Variants in PTPRE observed in about 807,000 individuals in gnomAD.
PTPRE encodes the protein receptor-type tyrosine-protein phosphatase epsilon.
PTPRE carries 51 observed loss-of-function variants against 102.0 expected under a neutral mutation model. The observed-to-expected ratio is 0.50, with a 90% CI of 0.40 to 0.63. The LOEUF (loss-of-function observed/expected upper bound fraction) is 0.63, where lower values mean the gene tolerates loss of function less well. Ranked by LOEUF, PTPRE falls within the 30% of genes least tolerant of loss-of-function variation. The pLI, the probability that PTPRE is intolerant of heterozygous loss-of-function variation, is 0.00. For missense variants in PTPRE, 752 were observed against 915.1 expected, an observed-to-expected ratio of 0.82 and a Z score of 2.30; for synonymous variants, 345 against 348.2, an observed-to-expected ratio of 0.99 and a Z score of 0.10.
At chr10:128,010,553 TTTC>T (rs1476547036) in intron 2 of PTPRE, among the ~76,000 whole-genome samples, 20 of 136,762 alleles carry the variant, frequency 1.5e-4, no homozygotes, top group Non-Finnish European at 2.4e-4. Flanking sequence ...TTCCTTTTCT[TTTC>T]TTTTCTTTTC....
chr10:127,971,184 G>A (rs188499219), intron 1 of PTPRE, among the ~76,000 whole-genome samples: 2 of 152,260 alleles, frequency 1.3e-5, no homozygotes, highest in South Asian at 2.1e-4. Flanking sequence ...GTGTCCATAC[G>A]AGGCTAATGT....
chr10:127,988,328 CTG>C (rs1852292668), intron 2 of PTPRE, among the ~76,000 whole-genome samples: 1 of 118,012 alleles, frequency 8.5e-6, no homozygotes, highest in Non-Finnish European at 1.7e-5. Flanking sequence ...TTTTTTGAGA[CTG>C]AATCTTGCTC....
At chr10:127,940,842 G>T (rs149703465) in intron 1 of PTPRE, among the ~76,000 whole-genome samples, 1 of 152,304 alleles carries the variant, frequency 6.6e-6, no homozygotes, top group African/African-American at 2.4e-5. Context: ...GTCCCAAGGT[G>T]CTGTGACCCA....
chr10:127,920,470 G>T (rs974552119), intron 1 of PTPRE, among the ~76,000 whole-genome samples: 4 of 152,176 alleles, frequency 2.6e-5, no homozygotes, highest in African/African-American at 9.7e-5. Context: ...GCTCCTAGGT[G>T]GGGGAGTCCC....
intron 2 of PTPRE, among the ~76,000 whole-genome samples, chr10:128,005,638 C>T (rs998295904): frequency 4.6e-5 from 7 of 152,310 alleles, no homozygotes; most frequent in Admixed American, 1.3e-4. Context: ...CACCTCTGGG[C>T]GTCCCCGAGC....
In PTPRE at chr10:128,040,943, G is replaced by C. The variant is rs1387069917; in HGVS notation, c.62G>C (p.Arg21Thr). 2.5e-6 allele frequency: 4 copies of C among 1,613,944 alleles called. No homozygotes were observed. Among genetic ancestry groups the C allele is most frequent in the Non-Finnish European group, 3.4e-6 (4 of 1,180,022 alleles). Reference protein sequence around the residue: ...GFSLPLARALRGNETTADSNE... With the variant: ...GFSLPLARALTGNETTADSNE... The stretch of plus-strand genomic sequence containing the variant: ...AGCTTGCCGCTCGCCAGGGCTCTCA[G>C]GGGCAACGAGACCACTGCCGACAGC... The change falls in exon 3 of 21, where the codon AGG (arginine) becomes ACG (threonine). Residue 21 changes from arginine to threonine, a missense_variant. Around this residue, in one of 2 missense-constraint regions of PTPRE, gnomAD observed 116 missense variants for 90.8 expected, o/e 1.28. Transcript: ENST00000254667.
chr10:127,935,402 C>T (rs1017713437), intron 1 of PTPRE, among the ~76,000 whole-genome samples: 20 of 152,288 alleles, frequency 1.3e-4, no homozygotes, highest in African/African-American at 4.8e-4. Context: ...GCTTGAATCC[C>T]ATTACCAGGG....
At chr10:128,067,142 T>C (rs763686623) in intron 11 of PTPRE, among the ~76,000 whole-genome samples, 9 of 65,112 alleles carry the variant, frequency 1.4e-4, no homozygotes, top group Non-Finnish European at 2.8e-4. Flanking sequence ...CACACACACA[T>C]GTGCACACAC....
intron 6 of PTPRE, among the ~76,000 whole-genome samples, chr10:128,053,720 A>G (rs1848726952): frequency 6.6e-6 from 1 of 152,058 alleles, no homozygotes; most frequent in South Asian, 2.1e-4. Context: ...TCGCCATCCA[A>G]TCCCTCCAGG....
At chr10:128,076,512 C>A in intron 17 of PTPRE, 91 bp from the exon 18 acceptor site, 13 of 1,238,454 alleles carry the variant, frequency 1.0e-5, no homozygotes, top group African/African-American at 1.6e-5. Context: ...AATACATTAA[C>A]TGGTTTGAGA....
chr10:128,032,058 C>T (rs956552108), intron 2 of PTPRE, among the ~76,000 whole-genome samples: 3 of 152,154 alleles, frequency 2.0e-5, no homozygotes, highest in African/African-American at 4.8e-5. Context: ...TTCCATCACC[C>T]AGGCTGGAGT....
At chr10:127,935,639 C>A (rs145012804) in intron 1 of PTPRE, among the ~76,000 whole-genome samples, 1 of 152,110 alleles carries the variant, frequency 6.6e-6, no homozygotes, top group African/African-American at 2.4e-5. Context: ...ACCTCTTCTG[C>A]GGAGTACCCT....
At chr10:127,937,774 G>A (rs1220056793) in intron 1 of PTPRE, among the ~76,000 whole-genome samples, 24 of 152,172 alleles carry the variant, frequency 1.6e-4, no homozygotes, top group Admixed American at 1.4e-3. Flanking sequence ...TGGAAGGATC[G>A]CTTGAACCCA....
intron 1 of PTPRE, among the ~76,000 whole-genome samples, chr10:127,920,402 A>C (rs141059553): frequency 1.3e-5 from 2 of 152,076 alleles, no homozygotes; most frequent in Non-Finnish European, 2.9e-5. Flanking sequence ...CAGTTCCCAG[A>C]TTGCTGGTGG....
chr10:127,911,627 G>A (rs911117851), intron 1 of PTPRE, among the ~76,000 whole-genome samples: 2 of 152,158 alleles, frequency 1.3e-5, no homozygotes, highest in Non-Finnish European at 1.5e-5. Context: ...ACTTCCGCCC[G>A]ATTTCACCCC....
Position 128,071,870 on chromosome 10 carries a change from T to C in PTPRE, c.1388-268T>C, listed in dbSNP as rs183960513. ...TTCCATTTACTCCTTCAGCGCAATA[T>C]TTTTAGTGCTTGTATTTTGGTATGT... is the stretch of plus-strand genomic sequence containing the variant. On this transcript the variant is annotated intron_variant, in intron 15 of 20. Coordinates refer to ENST00000254667, the MANE Select transcript of PTPRE (RefSeq NM_006504.6). 5.9e-3 allele frequency: 2,066 copies of C among 348,066 alleles called. 12 individuals are homozygous for C. The highest frequency in any genetic ancestry group is 8.8e-3 in the Non-Finnish European group (1,688 of 191,126). 21.6% of individuals were successfully genotyped at this position (348,066 alleles called of 1,614,324 possible).
At chr10:128,061,543 T>C (rs1431327653) in intron 8 of PTPRE, 136 bp from the exon 9 acceptor site, 1 of 1,096,418 alleles carries the variant, frequency 9.1e-7, no homozygotes, top group South Asian at 1.6e-5. Context: ...GTGAGTTTTC[T>C]TTCCTTCTTA....
intron 2 of PTPRE, among the ~76,000 whole-genome samples, chr10:127,992,218 C>T (rs947636902): frequency 6.6e-6 from 1 of 152,012 alleles, no homozygotes; most frequent in African/African-American, 2.4e-5. Flanking sequence ...ACAACATGAC[C>T]AGAAAAGGAG....
intron 3 of PTPRE, among the ~76,000 whole-genome samples, chr10:128,041,998 C>A (rs1022611563): frequency 6.6e-6 from 1 of 152,154 alleles, no homozygotes; most frequent in Non-Finnish European, 1.5e-5. Context: ...CAGTTCTGAG[C>A]GCCCACCTGT....
Sources: allele counts gnomAD v4.1 joint callset (sites outside exome capture counted in the v4.1 genomes callset), GRCh38; gene constraint gnomAD v4.1.1; regional missense constraint gnomAD v4.1.1; transcripts MANE v1.5; gene names NCBI Gene and HGNC (gene_info 2026-07-23, HGNC 2026-07-21).